INTS9: variants seen among roughly 807,000 people sequenced by gnomAD.
The protein encoded by INTS9 is protein related to CPSF subunits of 74 kDa.
In INTS9, 55 loss-of-function variants were observed where a neutral mutation model predicts 79.7. The observed-to-expected ratio is 0.69, with a 90% CI of 0.56 to 0.86. The LOEUF (loss-of-function observed/expected upper bound fraction) is 0.86. Ranked by LOEUF, INTS9 falls within the 40% of genes least tolerant of loss-of-function variation. INTS9 has a pLI of 0.00. For missense variants in INTS9, 721 were observed against 831.5 expected, an observed-to-expected ratio of 0.87 and a Z score of 1.64; for synonymous variants, 319 against 325.2, an observed-to-expected ratio of 0.98 and a Z score of 0.20.
intron 12 of INTS9, among the ~76,000 whole-genome samples, chr8:28,778,809 TGTC>T (rs923814725): frequency 5.9e-5 from 9 of 152,184 alleles, no homozygotes; most frequent in African/African-American, 2.2e-4. Context: ...TCTCCACTGT[TGTC>T]AGGACAAACT....
chr8:28,809,944 G>T (rs1284491577), intron 8 of INTS9, among the ~76,000 whole-genome samples: 1 of 152,128 alleles, frequency 6.6e-6, no homozygotes, highest in African/African-American at 2.4e-5. Flanking sequence ...GCACAGCATG[G>T]TTCTCCCTGT....
chr8:28,847,521 A>C (rs1228194441), intron 3 of INTS9, among the ~76,000 whole-genome samples: 1 of 149,702 alleles, frequency 6.7e-6, no homozygotes, highest in Non-Finnish European at 1.5e-5. Flanking sequence ...ACCTCCACCA[A>C]AACCACCACT....
chr8:28,836,211 G>A (rs1376538163), intron 5 of INTS9, among the ~76,000 whole-genome samples: 4 of 152,172 alleles, frequency 2.6e-5, no homozygotes, highest in Admixed American at 6.5e-5. Flanking sequence ...AATGGAGTAC[G>A]CTGCTAAATG....
At chr8:28,881,146 G>A (rs1358948543) in intron 1 of INTS9, among the ~76,000 whole-genome samples, 10 of 144,518 alleles carry the variant, frequency 6.9e-5, no homozygotes, top group South Asian at 2.2e-4. Context: ...CCCCCCGCCC[G>A]GCTGGCCGCC....
intron 2 of INTS9, 70 bp downstream of exon 2, chr8:28,859,366 C>A: frequency 1.3e-6 from 2 of 1,553,424 alleles, no homozygotes; most frequent in Non-Finnish European, 8.8e-7. Flanking sequence ...TACTAGTAAC[C>A]TTCATACTAA....
chr8:28,839,629 T>C (rs966595957), intron 4 of INTS9, among the ~76,000 whole-genome samples: 6 of 151,980 alleles, frequency 3.9e-5, no homozygotes, highest in Non-Finnish European at 8.8e-5. Context: ...CCCTCAGAAA[T>C]AACGCCGCAT....
chr8:28,791,168 CA>C (rs1212782720), intron 10 of INTS9, among the ~76,000 whole-genome samples: 1 of 152,162 alleles, frequency 6.6e-6, no homozygotes, highest in Non-Finnish European at 1.5e-5. Context: ...TCGACTTCTG[CA>C]AAGACTCTTG....
intron 11 of INTS9, among the ~76,000 whole-genome samples, chr8:28,782,526 T>C (rs1034007874): frequency 2.0e-5 from 3 of 152,246 alleles, no homozygotes; most frequent in African/African-American, 7.2e-5. Flanking sequence ...CATGTGGACA[T>C]GTGTGCACAC....
At chr8:28,879,524 T>C (rs1809580919) in intron 1 of INTS9, among the ~76,000 whole-genome samples, 1 of 152,194 alleles carries the variant, frequency 6.6e-6, no homozygotes, top group African/African-American at 2.4e-5. Flanking sequence ...TGATGCCTGC[T>C]TGTACTACCT....
At chr8:28,831,850 C>G (rs953530479) in intron 6 of INTS9, among the ~76,000 whole-genome samples, 1 of 152,106 alleles carries the variant, frequency 6.6e-6, no homozygotes, top group Non-Finnish European at 1.5e-5. Flanking sequence ...AGGTGCCCAC[C>G]ACTACGCCTG....
intron 13 of INTS9, chr8:28,776,156 A>G: frequency 2.3e-6 from 1 of 436,200 alleles, no homozygotes; most frequent in African/African-American, 2.0e-5. Context: ...AGCTTAATTT[A>G]TCTTTCTTAC....
intron 14 of INTS9, among the ~76,000 whole-genome samples, chr8:28,773,314 AT>A (rs1180332947): frequency 4.6e-5 from 7 of 151,736 alleles, no homozygotes; most frequent in Non-Finnish European, 7.4e-5. Context: ...ATACAAAAAA[AT>A]TAGCTGGGCA....
chr8:28,789,038 G>A (rs1803775918), intron 10 of INTS9, among the ~76,000 whole-genome samples: 1 of 152,078 alleles, frequency 6.6e-6, no homozygotes, highest in African/African-American at 2.4e-5. Context: ...TTTCGTTTAA[G>A]TTTGGTTTAA....
At chr8:28,845,341 T>C (rs2131230415) in intron 4 of INTS9, among the ~76,000 whole-genome samples, 1 of 152,294 alleles carries the variant, frequency 6.6e-6, no homozygotes, top group South Asian at 2.1e-4. Context: ...TACTCTCCCA[T>C]TTTTTTCCAA....
intron 8 of INTS9, among the ~76,000 whole-genome samples, chr8:28,802,263 C>G (rs769074630): frequency 6.6e-6 from 1 of 152,158 alleles, no homozygotes; most frequent in South Asian, 2.1e-4. Flanking sequence ...AAATAAAAAG[C>G]GAAGTCTGTG....
At chr8:28,845,784 A>T (rs1585462049) in intron 4 of INTS9, among the ~76,000 whole-genome samples, 1 of 152,146 alleles carries the variant, frequency 6.6e-6, no homozygotes. Context: ...TTACTACTCA[A>T]TCTCAAACTT....
intron 14 of INTS9, among the ~76,000 whole-genome samples, chr8:28,774,056 A>C (rs1034938865): frequency 6.6e-6 from 1 of 151,724 alleles, no homozygotes; most frequent in Non-Finnish European, 1.5e-5. Flanking sequence ...CTCATTGTCC[A>C]CCCGCCTCGG....
intron 6 of INTS9, among the ~76,000 whole-genome samples, chr8:28,823,166 G>C (rs531809047): frequency 1.3e-5 from 2 of 152,136 alleles, no homozygotes; most frequent in Non-Finnish European, 2.9e-5. Flanking sequence ...GGCAGGATAT[G>C]CCACCCTACA....
At chr8:28,859,692 T>C in intron 1 of INTS9, 129 bp from the exon 2 acceptor site, 1 of 1,030,744 alleles carries the variant, frequency 9.7e-7, no homozygotes, top group East Asian at 2.6e-5. Context: ...ACTTTCTATG[T>C]GGTTTCCGCC....
Sources: gnomAD v4.1 joint callset for allele counts (sites outside exome capture counted in the v4.1 genomes callset) on GRCh38, gnomAD v4.1.1 for gene constraint, MANE v1.5 for transcripts, NCBI Gene and HGNC (gene_info 2026-07-23, HGNC 2026-07-21) for gene names.